The following TRIO variants were observed in gnomAD, a reference collection of about 807,000 sequenced individuals.
TRIO encodes the protein triple functional domain protein.
Under a neutral mutation model 351.9 loss-of-function variants are expected in TRIO, and 58 were observed. That is an observed-to-expected ratio of 0.16 (90% CI 0.13 to 0.21). The LOEUF is 0.21. Ranked by LOEUF, TRIO falls within the 10% of genes least tolerant of loss-of-function variation. TRIO has a pLI of 1.00. For synonymous variants in TRIO, 1,758 were observed against 1,595.7 expected, an observed-to-expected ratio of 1.10 and a Z score of -2.42; for missense variants, 3,201 against 4,027.8, an observed-to-expected ratio of 0.79 and a Z score of 5.56.
intron 9 of TRIO, among the ~76,000 whole-genome samples, chr5:14,324,375 T>G (rs1262107723): frequency 6.6e-6 from 1 of 152,230 alleles, no homozygotes; most frequent in Non-Finnish European, 1.5e-5. Context: ...TGTTTTGACT[T>G]AAAACACACT....
chr5:14,169,934 G>C (rs576900206), intron 1 of TRIO, among the ~76,000 whole-genome samples: 3 of 152,330 alleles, frequency 2.0e-5, no homozygotes, highest in African/African-American at 7.2e-5. Context: ...GTGGTAGCTA[G>C]TTTTCATAGG....
intron 55 of TRIO, 125 bp from the exon 56 acceptor site, chr5:14,506,997 C>A (rs572358590): frequency 7.6e-7 from 1 of 1,321,836 alleles, no homozygotes; most frequent in African/African-American, 1.5e-5. Context: ...CTTAGAGGCA[C>A]GGCCCTGAGA....
At chr5:14,254,189 C>T (rs148202952) in intron 1 of TRIO, among the ~76,000 whole-genome samples, 19 of 151,686 alleles carry the variant, frequency 1.3e-4, no homozygotes, top group African/African-American at 4.6e-4. Flanking sequence ...GTTCTCCCCC[C>T]CTCCCCCCGC....
chr5:14,409,706 T>C (rs979284506), intron 33 of TRIO, among the ~76,000 whole-genome samples: 7 of 151,702 alleles, frequency 4.6e-5, no homozygotes, highest in Middle Eastern at 3.2e-3. Flanking sequence ...TGGTGGTGGG[T>C]GCCTGTAAGT....
At chr5:14,361,975 G>C (rs899238115) in intron 13 of TRIO, among the ~76,000 whole-genome samples, 1 of 152,134 alleles carries the variant, frequency 6.6e-6, no homozygotes, top group Admixed American at 6.5e-5. Context: ...AAAATTAGGC[G>C]TGGTGGCGTG....
rs1209351102 is a variant in TRIO, at chr5:14,508,256, T to G, written c.9128T>G (p.Leu3043Arg). ...CCCGCCAAGCGTCCCTCGGCTGCGCTGGCCCTCCAGGAGCAGTGGCTGCAG... is the reference window on the plus strand; with the variant it reads ...CCCGCCAAGCGTCCCTCGGCTGCGCGGGCCCTCCAGGAGCAGTGGCTGCAG... Reference protein sequence around the residue: ...EDPAKRPSAALALQEQWLQAG... With the variant: ...EDPAKRPSAARALQEQWLQAG... Residue 3043 changes from leucine (L) to arginine (R), a missense_variant, in exon 57 of 57, where the codon CTG becomes CGG. Transcript: ENST00000344204. The G allele has an allele frequency of 2.5e-6, 4 of 1,614,050 alleles. No individual in the cohort carries two copies. The South Asian group carries it at 4.4e-5, about 18-fold the overall frequency.
intron 6 of TRIO, among the ~76,000 whole-genome samples, chr5:14,294,662 G>T (rs975137481): frequency 5.3e-5 from 8 of 152,174 alleles, no homozygotes; most frequent in African/African-American, 1.9e-4. Flanking sequence ...GGACGTAGAG[G>T]CTTTTAATTC....
At chr5:14,278,005 G>A (rs1037473073) in intron 2 of TRIO, among the ~76,000 whole-genome samples, 1 of 152,174 alleles carries the variant, frequency 6.6e-6, no homozygotes, top group Admixed American at 6.5e-5. Context: ...TGAATTTTCT[G>A]AAGTTCTTTT....
At chr5:14,230,892 G>A (rs907403124) in intron 1 of TRIO, among the ~76,000 whole-genome samples, 1 of 152,230 alleles carries the variant, frequency 6.6e-6, no homozygotes, top group Non-Finnish European at 1.5e-5. Flanking sequence ...GAGCTGGAAA[G>A]TGATGGAGTT....
chr5:14,178,566 A>G (rs115347988), intron 1 of TRIO, among the ~76,000 whole-genome samples: 1 of 152,158 alleles, frequency 6.6e-6, no homozygotes, highest in Non-Finnish European at 1.5e-5. Context: ...TGTTACCAAT[A>G]ATTATTCTAG....
intron 8 of TRIO, among the ~76,000 whole-genome samples, chr5:14,309,226 C>T (rs1365927690): frequency 6.6e-6 from 1 of 152,236 alleles, no homozygotes; most frequent in Non-Finnish European, 1.5e-5. Flanking sequence ...CTTTCCCTTT[C>T]TAAGTTTGTT....
intron 1 of TRIO, among the ~76,000 whole-genome samples, chr5:14,165,954 C>T (rs969328724): frequency 6.6e-6 from 1 of 152,230 alleles, no homozygotes; most frequent in Non-Finnish European, 1.5e-5. Context: ...TAAATGGACT[C>T]CTTATCATTC....
At chr5:14,494,497 G>A (rs947227721) in intron 49 of TRIO, among the ~76,000 whole-genome samples, 2 of 152,222 alleles carry the variant, frequency 1.3e-5, no homozygotes, top group Non-Finnish European at 2.9e-5. Flanking sequence ...CAAGAGCTCC[G>A]ATGGAGATGT....
intron 1 of TRIO, among the ~76,000 whole-genome samples, chr5:14,243,722 A>G (rs773308207): frequency 1.3e-5 from 2 of 152,236 alleles, no homozygotes; most frequent in African/African-American, 2.4e-5. Flanking sequence ...TTAAAAGACC[A>G]TATTGACTTT....
intron 33 of TRIO, among the ~76,000 whole-genome samples, chr5:14,416,241 C>T (rs1489456768): frequency 1.3e-5 from 2 of 150,436 alleles, no homozygotes; most frequent in South Asian, 2.1e-4. Context: ...AAAGCAGTAA[C>T]GATTTGCACT....
In TRIO at chr5:14,433,338, T is replaced by C. The variant is rs894093573; in HGVS notation, c.5203+13317T>C. 6.6e-5 allele frequency among the ~76,000 whole-genome samples: 10 copies of C among 152,312 alleles called. No individual in the cohort carries two copies. The South Asian group carries it at 2.1e-3, about 32-fold the overall frequency. ...GGAACTCCTGTGCTGAATGGAGCCC[T>C]AAGAAGCAGGGGTTTCGTCATCCCT... is the stretch of plus-strand genomic sequence containing the variant. On this transcript the variant is annotated intron_variant, in intron 34 of 56. Transcript: ENST00000344204.
intron 39 of TRIO, among the ~76,000 whole-genome samples, chr5:14,473,705 G>T (rs1754844786): frequency 6.6e-6 from 1 of 152,200 alleles, no homozygotes; most frequent in Non-Finnish European, 1.5e-5. Context: ...ACTGTTTAAT[G>T]AAACCATTTA....
At chr5:14,210,380 G>A (rs903808945) in intron 1 of TRIO, among the ~76,000 whole-genome samples, 6 of 152,144 alleles carry the variant, frequency 3.9e-5, no homozygotes, top group African/African-American at 1.2e-4. Flanking sequence ...CCCAGGCTCC[G>A]CACCCTCTGC....
chr5:14,177,512 A>G (rs1789480138), intron 1 of TRIO, among the ~76,000 whole-genome samples: 1 of 152,218 alleles, frequency 6.6e-6, no homozygotes, highest in African/African-American at 2.4e-5. Context: ...CTTCAAGGAT[A>G]GCCCAGGATT....
Sources: allele counts gnomAD v4.1 joint callset (sites outside exome capture counted in the v4.1 genomes callset), GRCh38; gene constraint gnomAD v4.1.1; transcripts MANE v1.5; gene names NCBI Gene and HGNC (gene_info 2026-07-23, HGNC 2026-07-21).